STK35: variants seen among roughly 807,000 people sequenced by gnomAD.
The protein encoded by STK35 is serine/threonine kinase 35.
In STK35, 17 loss-of-function variants were observed where a neutral mutation model predicts 37.3. The observed-to-expected ratio is 0.46, with a 90% confidence interval of 0.31 to 0.68. The LOEUF is 0.68. Ranked by LOEUF, STK35 falls within the 30% of genes least tolerant of loss-of-function variation. The pLI, the probability that STK35 is intolerant of heterozygous loss-of-function variation, is 0.05. For synonymous variants in STK35, 385 were observed against 319.1 expected (o/e 1.21, Z -2.20); for missense variants, 595 against 746.7 (o/e 0.80, Z 2.37).
At position 2,144,461 on chromosome 20, in the gene STK35, G is replaced by C. The variant is rs1986225695; in HGVS notation, c.*715G>C. 6.5e-6 allele frequency: 1 copy of C among 154,778 alleles called. No homozygotes were observed. The highest frequency in any genetic ancestry group is 1.9e-4 in the East Asian group (1 of 5,214). The allele number at this position is 154,778 out of a possible 1,614,324, so 9.6% of individuals were successfully genotyped here. ...CTTTGTTGTGTTTAAGCTATTGAGA[G>C]CCCCAGGCCACACCAGGACTTGCAG... On this transcript the variant is annotated 3_prime_UTR_variant, in exon 4 of 4. Coordinates refer to ENST00000381482, the MANE Select transcript of STK35 (RefSeq NM_080836.4).
intron 3 of STK35, among the ~76,000 whole-genome samples, chr20:2,141,834 C>T (rs182209166): frequency 6.6e-6 from 1 of 152,308 alleles, no homozygotes; most frequent in East Asian, 1.9e-4. Context: ...GATCTCATTT[C>T]CTCTGTAGTA....
intron 3 of STK35, among the ~76,000 whole-genome samples, chr20:2,130,962 G>A (rs776387349): frequency 3.9e-5 from 6 of 152,114 alleles, no homozygotes; most frequent in Admixed American, 1.3e-4. Flanking sequence ...GAACCCCCTG[G>A]GGACCTAGGT....
At chr20:2,116,578 C>T (rs548007160) in intron 2 of STK35, 88 bp from the exon 3 acceptor site, 2 of 1,398,982 alleles carry the variant, frequency 1.4e-6, no homozygotes, top group South Asian at 1.4e-5. Flanking sequence ...TCACCAATGT[C>T]ACTCTTGAAT....
chr20:2,110,759 T>A (rs1161328789), intron 2 of STK35, among the ~76,000 whole-genome samples: 1 of 152,218 alleles, frequency 6.6e-6, no homozygotes, highest in African/African-American at 2.4e-5. Context: ...GTTGTGTGGT[T>A]GGACCATCAC....
chr20:2,107,559 G>A (rs1206879958), intron 2 of STK35, among the ~76,000 whole-genome samples: 1 of 152,186 alleles, frequency 6.6e-6, no homozygotes, highest in Non-Finnish European at 1.5e-5. Flanking sequence ...GGTCACAAGT[G>A]GTAGCATCTT....
chr20:2,129,281 C>T (rs1985958345), intron 3 of STK35, among the ~76,000 whole-genome samples: 1 of 152,138 alleles, frequency 6.6e-6, no homozygotes, highest in Admixed American at 6.5e-5. Context: ...TCTCTCTGAG[C>T]CTCCGAGTCT....
intron 3 of STK35, among the ~76,000 whole-genome samples, chr20:2,130,709 C>T (rs1302365815): frequency 6.6e-6 from 1 of 152,072 alleles, no homozygotes; most frequent in Non-Finnish European, 1.5e-5. Flanking sequence ...TAGGGAAAGG[C>T]ATACAGGGGA....
In STK35 at chr20:2,102,097, C is replaced by A; in HGVS notation, c.216C>A (p.Pro72=). 6.8e-7 allele frequency: 1 copy of A among 1,476,732 alleles called. No homozygotes were observed. The highest frequency in any genetic ancestry group is 9.0e-7 in the Non-Finnish European group (1 of 1,112,946). 91.5% of individuals were successfully genotyped at this position (1,476,732 alleles called of 1,614,324 possible). ...TSRAARSRRQ[P]GPGADHPQAG... ...GCGCTGCTCGGTCCCGGAGGCAGCCCGGGCCCGGAGCGGACCATCCCCAGG... is the reference window on the plus strand; with the variant it reads ...GCGCTGCTCGGTCCCGGAGGCAGCCAGGGCCCGGAGCGGACCATCCCCAGG... Residue 72 remains proline, a synonymous_variant, in exon 1 of 4, where the codon CCC becomes CCA. Coordinates refer to ENST00000381482, the MANE Select transcript of STK35 (RefSeq NM_080836.4).
intron 3 of STK35, among the ~76,000 whole-genome samples, chr20:2,126,761 A>G (rs1254045194): frequency 6.6e-6 from 1 of 152,250 alleles, no homozygotes; most frequent in Non-Finnish European, 1.5e-5. Context: ...AAATAAATCA[A>G]TACCATAAAA....
chr20:2,143,067 G>A (rs1404720240), intron 3 of STK35, among the ~76,000 whole-genome samples: 1 of 152,208 alleles, frequency 6.6e-6, no homozygotes, highest in African/African-American at 2.4e-5. Flanking sequence ...TGTGACGCAG[G>A]TACAGGTGAT....
chr20:2,125,338 A>G (rs1985886593), intron 3 of STK35, among the ~76,000 whole-genome samples: 1 of 152,156 alleles, frequency 6.6e-6, no homozygotes, highest in Non-Finnish European at 1.5e-5. Context: ...CGAGCCCTGA[A>G]TTAAGCACTT....
intron 2 of STK35, among the ~76,000 whole-genome samples, chr20:2,112,569 G>C (rs1489166821): frequency 6.6e-6 from 1 of 152,098 alleles, no homozygotes. Context: ...TGCTGTGGGG[G>C]TTCTCTCCTA....
intron 3 of STK35, among the ~76,000 whole-genome samples, chr20:2,132,866 C>T (rs1986023721): frequency 6.6e-6 from 1 of 152,222 alleles, no homozygotes; most frequent in South Asian, 2.1e-4. Context: ...GCCCCCATTT[C>T]CTTGTCTGGT....
At chr20:2,126,069 C>T (rs572846899) in intron 3 of STK35, among the ~76,000 whole-genome samples, 1 of 152,326 alleles carries the variant, frequency 6.6e-6, no homozygotes, top group East Asian at 1.9e-4. Flanking sequence ...AGAATGGCAG[C>T]GGTTGCTCTG....
intron 2 of STK35, among the ~76,000 whole-genome samples, chr20:2,106,187 C>T (rs1049815063): frequency 1.3e-5 from 2 of 152,144 alleles, no homozygotes; most frequent in Non-Finnish European, 2.9e-5. Flanking sequence ...ATTTAGGGGT[C>T]TTGATCTGTC....
At chr20:2,136,770 T>C (rs955934878) in intron 3 of STK35, among the ~76,000 whole-genome samples, 1 of 152,218 alleles carries the variant, frequency 6.6e-6, no homozygotes, top group African/African-American at 2.4e-5. Context: ...AGACTCTCTC[T>C]GTCCTGCAGG....
intron 3 of STK35, among the ~76,000 whole-genome samples, chr20:2,132,603 A>T (rs1568580771): frequency 6.6e-6 from 1 of 152,246 alleles, no homozygotes. Flanking sequence ...GTCCCCCAGG[A>T]GGGGAAGATG....
intron 3 of STK35, among the ~76,000 whole-genome samples, chr20:2,122,272 C>T (rs1985832413): frequency 6.6e-6 from 1 of 152,074 alleles, no homozygotes; most frequent in Non-Finnish European, 1.5e-5. Context: ...GCAGAGGTTG[C>T]AGTGAGCCAG....
intron 3 of STK35, 143 bp from the exon 4 acceptor site, chr20:2,143,641 T>G: frequency 4.5e-6 from 1 of 223,562 alleles, no homozygotes. Context: ...ACCAGGGAGG[T>G]TGTGAAGCTA....
Sources: gnomAD v4.1 joint callset for allele counts (sites outside exome capture counted in the v4.1 genomes callset) on GRCh38, gnomAD v4.1.1 for gene constraint, MANE v1.5 for transcripts, NCBI Gene and HGNC (gene_info 2026-07-23, HGNC 2026-07-21) for gene names.